The following ZNF280B variants were observed in gnomAD, a reference collection of about 807,000 sequenced individuals.
ZNF280B encodes zinc finger protein 280B.
In ZNF280B, 16 loss-of-function variants were observed where a neutral mutation model predicts 38.0. The observed-to-expected ratio is 0.42, with a 90% confidence interval of 0.28 to 0.64. The LOEUF (loss-of-function observed/expected upper bound fraction) is 0.64. Among genes scored for constraint, ZNF280B ranks in the 30% least tolerant of loss-of-function variants. The pLI is 0.21. For missense variants in ZNF280B, 581 were observed against 639.6 expected (o/e 0.91, Z 0.99); for synonymous variants, 253 against 230.6 (o/e 1.10, Z -0.88).
At chr22:22,506,908 A>T in intron 2 of ZNF280B, among the ~76,000 whole-genome samples, 1 of 151,930 alleles carries the variant, frequency 6.6e-6, no homozygotes, top group East Asian at 2.0e-4. Flanking sequence ...ACTTCCTGGA[A>T]TTCACATAGT....
Position 22,487,933 on chromosome 22 carries a change from G to A in ZNF280B, c.1466C>T (p.Pro489Leu). The A allele has an allele frequency of 1.2e-6, 2 of 1,613,694 alleles. No homozygotes were observed. The highest frequency in any genetic ancestry group is 1.7e-6 in the Non-Finnish European group (2 of 1,179,920). ...AGGAGGTAATCCTTCTAGTTGCTTA[G>A]GCTTCTTAAACATTTGATGACACTG... ...KTQCHQMFKK[P>L]KQLEGLPPET... Residue 489 changes from proline to leucine, a missense_variant, in exon 4 of 4, where the codon CCT (proline) becomes CTT (leucine). Coordinates refer to ENST00000626650, the MANE Select transcript of ZNF280B (RefSeq NM_080764.4).
In ZNF280B at chr22:22,489,376, T is replaced by C. The variant is rs2061549228; in HGVS notation, c.23A>G (p.Glu8Gly). MEQSCEE[E>G]KEPEPQKNIQ... ...GTTCTTCTGTGGTTCAGGCTCTTTC[T>C]CTTCCTCACATGATTGTTCCATTTT... Residue 8 changes from glutamate (E) to glycine (G), a missense_variant, in exon 4 of 4, where the codon GAG becomes GGG. Physicochemically the swap from Glu to Gly is moderately conservative, Grantham distance 98 (BLOSUM62 -2). Coordinates refer to ENST00000626650, the MANE Select transcript of ZNF280B (RefSeq NM_080764.4). 5 of 1,604,764 alleles carry C rather than the reference T, an allele frequency of 3.1e-6. No individual in the cohort carries two copies. The highest frequency in any genetic ancestry group is 4.2e-6 in the Non-Finnish European group (5 of 1,176,840).
chr22:22,491,457 C>CTTTTTTTTTTTTTTTTTTT (rs55720546), intron 3 of ZNF280B, among the ~76,000 whole-genome samples: 2 of 113,978 alleles, frequency 1.8e-5, no homozygotes, highest in African/African-American at 3.0e-5. Flanking sequence ...TGTCTTTTTT[C>CTTTTTTTTTTTTTTTTTTT]TTTTTTTTTT....
intron 2 of ZNF280B, among the ~76,000 whole-genome samples, chr22:22,498,878 A>T (rs917153321): frequency 7.1e-6 from 1 of 140,056 alleles, no homozygotes; most frequent in African/African-American, 2.7e-5. Context: ...GCTCACTACA[A>T]GCTCCGCCTC....
At chr22:22,501,451 C>A (rs1475665739) in intron 2 of ZNF280B, among the ~76,000 whole-genome samples, 1 of 151,680 alleles carries the variant, frequency 6.6e-6, no homozygotes, top group Non-Finnish European at 1.5e-5. Context: ...GTAATCGCAG[C>A]TACTCGAGAG....
chr22:22,506,400 A>T lies in ZNF280B; in HGVS notation c.-187+1410T>A, dbSNP rs541298297. On this transcript the variant is annotated intron_variant, in intron 2 of 3. Coordinates refer to ENST00000626650, the MANE Select transcript of ZNF280B (RefSeq NM_080764.4). Reference sequence around the variant, plus strand: ...CCCAGAATCCAATGGGGAGGAGAAAAGGAACTGTAATATATGCTGCCAATA... The same window carrying T: ...CCCAGAATCCAATGGGGAGGAGAAATGGAACTGTAATATATGCTGCCAATA... Among the ~76,000 whole-genome samples, 10 of 152,034 alleles carry T rather than the reference A, an allele frequency of 6.6e-5. No individual in the cohort carries two copies. The South Asian group carries it at 1.5e-3, about 22-fold the overall frequency.
Position 22,488,123 on chromosome 22 carries a change from G to T in ZNF280B, c.1276C>A (p.His426Asn), listed in dbSNP as rs1423910592. 1.2e-6 allele frequency: 2 copies of T among 1,613,718 alleles called. No homozygotes were observed. Among genetic ancestry groups the T allele is most frequent in the Non-Finnish European group, 8.5e-7 (1 of 1,179,966 alleles). The change falls in exon 4 of 4, where the codon CAT becomes AAT. Residue 426 changes from histidine to asparagine, a missense_variant. His to Asn is a moderately conservative substitution (Grantham distance 68). Coordinates refer to ENST00000626650, the MANE Select transcript of ZNF280B (RefSeq NM_080764.4). ...CAAAGCAAATTCTTTGTGTTTTCAT[G>T]GCACGTTCTAAAATGTGTTTCTACA... is the stretch of plus-strand genomic sequence containing the variant. ...ADVETHFRTC[H>N]ENTKNLLCPF...
At chr22:22,498,128 T>C (rs2061738594) in intron 2 of ZNF280B, among the ~76,000 whole-genome samples, 1 of 151,920 alleles carries the variant, frequency 6.6e-6, no homozygotes, top group African/African-American at 2.4e-5. Context: ...TATGATTTCA[T>C]TTACAGGAAA....
chr22:22,503,236 T>C lies in ZNF280B; in HGVS notation c.-187+4574A>G, dbSNP rs534405727. Among the ~76,000 whole-genome samples the C allele has an allele frequency of 8.7e-4, 133 of 152,084 alleles. No individual in the cohort carries two copies. In the South Asian group the frequency reaches 0.017, roughly 19 times the overall value. On this transcript the variant is annotated intron_variant, in intron 2 of 3. Coordinates refer to ENST00000626650, the MANE Select transcript of ZNF280B (RefSeq NM_080764.4). The stretch of plus-strand genomic sequence containing the variant: ...TTATAGCAGCTATGGAAAAGTAATA[T>C]AGGGAGTGACTGCTAATGGATACAA...
upstream of ZNF280B, chr22:22,509,121 G>T (rs746587980): frequency 6.5e-6 from 1 of 153,054 alleles, no homozygotes; most frequent in African/African-American, 2.4e-5. Context: ...CCAGGGCTTG[G>T]GGTGGGGGGT....
rs1247172397 is a variant in ZNF280B, at chr22:22,489,192, C to A, written c.207G>T (p.Trp69Cys). 6.2e-7 allele frequency: 1 copy of A among 1,613,626 alleles called. No homozygotes were observed. The highest frequency in any genetic ancestry group is 8.5e-7 in the Non-Finnish European group (1 of 1,179,928). Reference sequence around the variant, plus strand: ...GGTGATCATACTTTTTTCTCCTTGACCATGAACCCGGGGTGACTCTGTTCA... The same window carrying A: ...GGTGATCATACTTTTTTCTCCTTGAACATGAACCCGGGGTGACTCTGTTCA... ...NILNRVTPGSWSRRKKYDHLR... is the reference protein window; with the variant it reads ...NILNRVTPGSCSRRKKYDHLR... The change falls in exon 4 of 4, where the codon TGG becomes TGT. Residue 69 changes from tryptophan to cysteine, a missense_variant. Coordinates refer to ENST00000626650, the MANE Select transcript of ZNF280B (RefSeq NM_080764.4).
intron 2 of ZNF280B, among the ~76,000 whole-genome samples, chr22:22,499,915 A>C (rs1465756798): frequency 1.3e-5 from 2 of 152,012 alleles, no homozygotes; most frequent in African/African-American, 4.8e-5. Flanking sequence ...TGGAGATGAC[A>C]AATACAAATA....
At position 22,489,260 on chromosome 22, in the gene ZNF280B, C is replaced by A; in HGVS notation, c.139G>T (p.Val47Phe). ...GGTTTTGAATTTGAAGTCACCCCAA[C>A]AAAGATTAGCTCAGCATCTTCATTT... ...HVNEDAELIF[V>F]GVTSNSKPVV... is the part of the protein sequence containing the mutation. Residue 47 changes from valine (V) to phenylalanine (F), a missense_variant, in exon 4 of 4, where the codon GTT becomes TTT. Val to Phe is a conservative substitution (Grantham distance 50, BLOSUM62 -1). Transcript: ENST00000626650. The A allele has an allele frequency of 6.2e-7, 1 of 1,613,838 alleles. No homozygotes were observed. The highest frequency in any genetic ancestry group is 2.2e-5 in the East Asian group (1 of 44,794).
chr22:22,495,991 A>C (rs1467819872), intron 2 of ZNF280B, among the ~76,000 whole-genome samples: 1 of 150,496 alleles, frequency 6.6e-6, no homozygotes. Context: ...TTTTTAGTAG[A>C]GATGGAGTTT....
chr22:22,489,405 A>AT lies in ZNF280B; in HGVS notation c.-8dup. On this transcript the variant is annotated 5_prime_UTR_variant, in exon 4 of 4. It introduces an in-frame stop codon into an upstream open reading frame of the 5' UTR. Transcript: ENST00000626650. ...CCTCACATGATTGTTCCATTTTCTA[A>AT]TTTTTTTATTCCTGAATGGTGGGGC... 6.3e-7 allele frequency: 1 copy of AT among 1,577,464 alleles called. No homozygotes were observed. The highest frequency in any genetic ancestry group is 2.2e-5 in the East Asian group (1 of 44,508).
chr22:22,499,887 C>A (rs2061781981), intron 2 of ZNF280B, among the ~76,000 whole-genome samples: 1 of 151,902 alleles, frequency 6.6e-6, no homozygotes, highest in Admixed American at 6.6e-5. Context: ...GATTGGAAAG[C>A]AAGAAGTAAA....
chr22:22,502,287 C>T (rs933595599), intron 2 of ZNF280B, among the ~76,000 whole-genome samples: 2 of 151,938 alleles, frequency 1.3e-5, no homozygotes. Flanking sequence ...TAGTTATAAG[C>T]AAAAACAATC....
chr22:22,495,827 C>T (rs879701363), intron 2 of ZNF280B, among the ~76,000 whole-genome samples: 3 of 150,606 alleles, frequency 2.0e-5, no homozygotes, highest in Admixed American at 6.6e-5. Flanking sequence ...GAGTCTTGCT[C>T]TTGTTGCCCA....
At chr22:22,506,714 A>AGAAGT (rs1341935497) in intron 2 of ZNF280B, among the ~76,000 whole-genome samples, 1 of 151,948 alleles carries the variant, frequency 6.6e-6, no homozygotes, top group African/African-American at 2.4e-5. Flanking sequence ...CTAGACAAAG[A>AGAAGT]GAAGTCTTGC....
Sources: gnomAD v4.1 joint callset for allele counts (sites outside exome capture counted in the v4.1 genomes callset) on GRCh38, gnomAD v4.1.1 for gene constraint, MANE v1.5 for transcripts, NCBI Gene and HGNC (gene_info 2026-07-23, HGNC 2026-07-21) for gene names.